The following ANKS3 variants were observed in gnomAD, a reference collection of about 807,000 sequenced individuals.
ANKS3 encodes the protein ankyrin repeat and SAM domain-containing protein 3.
A neutral mutation model predicts 80.7 loss-of-function variants in ANKS3; 62 were observed. The ratio of observed to expected loss-of-function variants is 0.77; its 90% CI spans 0.63 to 0.95. The LOEUF (loss-of-function observed/expected upper bound fraction) is 0.95. Ranked by LOEUF, ANKS3 falls within the 40% of genes least tolerant of loss-of-function variation. The pLI, the probability that ANKS3 is intolerant of heterozygous loss-of-function variation, is 0.00. For missense variants in ANKS3, 1,150 were observed against 883.6 expected, an observed-to-expected ratio of 1.30 and a Z score of -3.82; for synonymous variants, 489 against 355.3, an observed-to-expected ratio of 1.38 and a Z score of -4.23.
rs777112425 is a variant in ANKS3 at position 4,701,538 on chromosome 16, G to A, written c.1015C>T (p.His339Tyr). The change falls in exon 10 of 18, where the codon CAT becomes TAT. Residue 339 changes from histidine to tyrosine, a missense_variant. His to Tyr is a moderately conservative substitution (Grantham distance 83). Coordinates refer to ENST00000304283, the MANE Select transcript of ANKS3 (RefSeq NM_133450.4). Reference protein sequence around the residue: ...SSSSSSSREEHAFCANLGPVQ... With the variant: ...SSSSSSSREEYAFCANLGPVQ... ...GGCCCCAGGTTGGCACAGAAAGCAT[G>A]TTCCTCTGAGGGCGGGAAGACAGGG... 35 of 1,608,910 alleles carry A rather than the reference G, an allele frequency of 2.2e-5. 1 individual carries two copies. Among genetic ancestry groups the A allele is most frequent in the Admixed American group, 1.7e-5 (1 of 59,844 alleles).
intron 11 of ANKS3, chr16:4,700,188 C>T (rs560577311): frequency 1.9e-4 from 29 of 153,010 alleles, no homozygotes; most frequent in Non-Finnish European, 3.6e-4. Context: ...GAGGTCGAGG[C>T]GGGCGGATCA....
intron 11 of ANKS3, chr16:4,700,751 C>T (rs1216447978): frequency 2.7e-6 from 2 of 745,200 alleles, no homozygotes; most frequent in African/African-American, 3.4e-5. Context: ...AGCAGGGAGA[C>T]AGGTCCTTTC....
In ANKS3 at chr16:4,730,032, G is replaced by A. The variant is rs200097253; in HGVS notation, c.118C>T (p.His40Tyr). The change falls in exon 3 of 18, where the codon CAC becomes TAC. Residue 40 changes from histidine (H) to tyrosine (Y), a missense_variant. Coordinates refer to ENST00000304283, the MANE Select transcript of ANKS3 (RefSeq NM_133450.4). ...GEELDVPLDL[H>Y]TAASIGQYEV... The stretch of plus-strand genomic sequence containing the variant: ...TACTGGCCAATGGAAGCAGCTGTGT[G>A]AAGATCCAGGGGGACATCCAGCTCC... The A allele has an allele frequency of 1.3e-6, 2 of 1,585,002 alleles. No homozygotes were observed. The highest frequency in any genetic ancestry group is 8.6e-7 in the Non-Finnish European group (1 of 1,162,202).
intron 9 of ANKS3, chr16:4,701,794 ACAG>A: frequency 2.0e-6 from 1 of 502,262 alleles, no homozygotes; most frequent in Non-Finnish European, 3.5e-6. Flanking sequence ...CACTATGGAA[ACAG>A]CTGCTGCACG....
chr16:4,717,652 C>T (rs1254780707), intron 6 of ANKS3: 1 of 152,094 alleles, frequency 6.6e-6, no homozygotes, highest in African/African-American at 2.4e-5. Context: ...GATTTTAACT[C>T]GTTATATATT....
chr16:4,729,132 C>G (rs557151128), intron 3 of ANKS3, among the ~76,000 whole-genome samples: 14 of 152,298 alleles, frequency 9.2e-5, no homozygotes, highest in African/African-American at 3.4e-4. Context: ...TGATCACATC[C>G]TACTATGGGC....
chr16:4,696,768 C>T lies in ANKS3; in HGVS notation c.*140G>A, dbSNP rs543600856. On this transcript the variant is annotated 3_prime_UTR_variant, in exon 18 of 18. Transcript: ENST00000304283. ...CAGCCCCCGTCTTGCCTCTGTCTGC[C>T]GGCTGCTCCCGGGGCCTGATCCTCT... 139 of 558,500 alleles carry T rather than the reference C, an allele frequency of 2.5e-4. No homozygotes were observed. The highest frequency in any genetic ancestry group is 3.2e-4 in the Non-Finnish European group (98 of 310,576). The allele number at this position is 558,500 out of a possible 1,614,324, so 34.6% of individuals were successfully genotyped here.
rs2080651820 is a variant in ANKS3 at position 4,714,205 on chromosome 16, G to C, written c.574-19C>G. 6.2e-7 allele frequency: 1 copy of C among 1,613,212 alleles called. No individual in the cohort carries two copies. The highest frequency in any genetic ancestry group is 8.5e-7 in the Non-Finnish European group (1 of 1,179,572). ...TGACTCCCTGTGAATGTCCGTGAAA[G>C]GGGGTTAGGGGCCTCTCCTTCAAAG... On this transcript the variant is annotated intron_variant, in intron 6 of 17. Coordinates refer to ENST00000304283, the MANE Select transcript of ANKS3 (RefSeq NM_133450.4).
In ANKS3 at chr16:4,698,880, G is replaced by GGCGGGCACTGCTGTGCCA. The variant is rs2079740870; in HGVS notation, c.1453_1470dup (p.Trp485_Arg490dup). On this transcript the variant is annotated inframe_insertion, in exon 13 of 18. Transcript: ENST00000304283. ...GCCAGCTCCAGGGCATCCCCGGGTG[G>GGCGGGCACTGCTGTGCCA]GCGGGCACTGCTGTGCCAGCGGGCA... is the stretch of plus-strand genomic sequence containing the variant. The GGCGGGCACTGCTGTGCCA allele has an allele frequency of 6.2e-7, 1 of 1,600,894 alleles. No individual in the cohort carries two copies. The highest frequency in any genetic ancestry group is 1.3e-5 in the African/African-American group (1 of 74,826).
chr16:4,714,017 AC>A, intron 7 of ANKS3, 33 bp downstream of exon 7: 1 of 1,608,108 alleles, frequency 6.2e-7, no homozygotes, highest in Non-Finnish European at 8.5e-7. Context: ...GCAACCAGAG[AC>A]CCCAGCAGGG....
At chr16:4,721,001 T>TAA (rs1403888785) in intron 6 of ANKS3, among the ~76,000 whole-genome samples, 42 of 68,540 alleles carry the variant, frequency 6.1e-4, no homozygotes, top group African/African-American at 1.7e-3. Context: ...CATGCCACCA[T>TAA]AAAAAAAAAA....
chr16:4,701,306 C>A, intron 10 of ANKS3, 128 bp downstream of exon 10: 2 of 1,327,208 alleles, frequency 1.5e-6, no homozygotes, highest in Admixed American at 4.5e-5. Flanking sequence ...GGACACAGCA[C>A]GTCCCAGTGC....
chr16:4,711,211 C>T (rs2080466835), intron 7 of ANKS3, among the ~76,000 whole-genome samples: 1 of 148,240 alleles, frequency 6.7e-6, no homozygotes, highest in South Asian at 2.1e-4. Flanking sequence ...TCAAGGGATT[C>T]TCCCACCTCA....
intron 7 of ANKS3, among the ~76,000 whole-genome samples, chr16:4,707,458 T>C (rs1019256425): frequency 6.6e-6 from 1 of 151,964 alleles, no homozygotes; most frequent in Non-Finnish European, 1.5e-5. Flanking sequence ...ATTTGTGTAT[T>C]TTGAGTAGAG....
chr16:4,712,622 G>A (rs1028188185), intron 7 of ANKS3, among the ~76,000 whole-genome samples: 1 of 152,126 alleles, frequency 6.6e-6, no homozygotes, highest in East Asian at 1.9e-4. Context: ...AGTTACTCCT[G>A]TAAAACACCA....
In ANKS3 at chr16:4,720,492, G is replaced by C. The variant is rs980875777; in HGVS notation, c.573+4258C>G. Among the ~76,000 whole-genome samples, 9 of 150,402 alleles carry C rather than the reference G, an allele frequency of 6.0e-5. 1 individual carries two copies. Among genetic ancestry groups the C allele is most frequent in the Non-Finnish European group, 1.2e-4 (8 of 67,424 alleles). ...AAAAAAAGAAGTCTAACACCCTAAG[G>C]GGAGGGGTGTGAACCAGGACCACTA... On this transcript the variant is annotated intron_variant, in intron 6 of 17. Transcript: ENST00000304283.
intron 1 of ANKS3, among the ~76,000 whole-genome samples, chr16:4,732,200 C>T (rs1385951983): frequency 6.6e-6 from 1 of 152,122 alleles, no homozygotes; most frequent in Non-Finnish European, 1.5e-5. Context: ...AGCCCAAGAT[C>T]GTGCAGTGCC....
chr16:4,714,198 C>T lies in ANKS3; in HGVS notation c.574-12G>A, dbSNP rs373125099. ...TCCACCTTGACTCCCTGTGAATGTC[C>T]GTGAAAGGGGGTTAGGGGCCTCTCC... On this transcript the variant is annotated splice_polypyrimidine_tract_variant and intron_variant, in intron 6 of 17. Transcript: ENST00000304283. The T allele has an allele frequency of 4.3e-6, 7 of 1,613,500 alleles. No homozygotes were observed. Among genetic ancestry groups the T allele is most frequent in the South Asian group, 2.2e-5 (2 of 91,014 alleles).
rs764890094 is a variant in ANKS3 at position 4,727,054 on chromosome 16, C to T, written c.294G>A (p.Pro98=). 1.5e-5 allele frequency: 25 copies of T among 1,614,006 alleles called. No individual in the cohort carries two copies. Among genetic ancestry groups the T allele is most frequent in the Admixed American group, 5.0e-5 (3 of 60,000 alleles). The change falls in exon 4 of 18, where the codon CCG becomes CCA. Residue 98 remains proline, a synonymous_variant. Transcript: ENST00000304283. The part of the protein sequence containing the change: ...LLEAGVSVNV[P]TPEGQTPLML... ...TCAGTGGAGTCTGCCCTTCTGGGGT[C>T]GGCACATTCACACTCACCCCCGCCT...
Sources: allele counts gnomAD v4.1 joint callset (sites outside exome capture counted in the v4.1 genomes callset), GRCh38; gene constraint gnomAD v4.1.1; transcripts MANE v1.5; gene names NCBI Gene and HGNC (gene_info 2026-07-23, HGNC 2026-07-21).